MYO3B: variants seen among roughly 807,000 people sequenced by gnomAD.
The protein encoded by MYO3B is myosin-IIIb.
MYO3B carries 156 observed loss-of-function variants against 174.6 expected under a neutral mutation model. The observed-to-expected ratio is 0.89, with a 90% CI of 0.78 to 1.02. The LOEUF is 1.02. MYO3B is among the 50% of genes least tolerant of loss of function. The pLI, the probability that MYO3B is intolerant of heterozygous loss-of-function variation, is 0.00. For synonymous variants in MYO3B, 563 were observed against 569.1 expected, an observed-to-expected ratio of 0.99 and a Z score of 0.15; for missense variants, 1,632 against 1,639.4, an observed-to-expected ratio of 1.00 and a Z score of 0.08.
At chr2:170,200,126 C>G in intron 2 of MYO3B, 24 bp from the exon 3 acceptor site, 1 of 1,604,770 alleles carries the variant, frequency 6.2e-7, no homozygotes, top group Admixed American at 1.7e-5. Context: ...TTTAATCCAG[C>G]TTGCATTTTT....
At position 170,391,549 on chromosome 2, in the gene MYO3B, A is replaced by C. The variant is rs374803318; in HGVS notation, c.1607A>C (p.Tyr536Ser). Residue 536 changes from tyrosine to serine, a missense_variant, in exon 15 of 35, where the codon TAT becomes TCT. By Grantham distance (144) the Tyr-to-Ser change is moderately radical (BLOSUM62 -2). Transcript: ENST00000408978. ...GAGAAAAATTTTCATATATTTTACT[A>C]TATTTATGCTGGTCTTCATCACCAA... is the stretch of plus-strand genomic sequence containing the variant. ...AREKNFHIFY[Y>S]IYAGLHHQKK... The C allele has an allele frequency of 1.3e-6, 2 of 1,557,132 alleles. No homozygotes were observed. The highest frequency in any genetic ancestry group is 1.7e-6 in the Non-Finnish European group (2 of 1,155,674).
intron 32 of MYO3B, among the ~76,000 whole-genome samples, chr2:170,551,347 TA>T (rs1559107961): frequency 6.1e-4 from 85 of 140,224 alleles, no homozygotes; most frequent in South Asian, 9.3e-4. Context: ...TAATTTAATT[TA>T]ATTATTTATT....
chr2:170,332,356 G>A (rs1280243053), intron 7 of MYO3B: 1 of 152,130 alleles, frequency 6.6e-6, no homozygotes, highest in Non-Finnish European at 1.5e-5. Context: ...CATGGAATGG[G>A]AAGAGAATAG....
At position 170,628,104 on chromosome 2, in the gene MYO3B, G is replaced by T. The variant is rs182641431; in HGVS notation, c.3734-23524G>T. 2.3e-4 allele frequency among the ~76,000 whole-genome samples: 35 copies of T among 152,282 alleles called. 1 individual carries two copies. The East Asian group carries it at 6.6e-3, about 29-fold the overall frequency. On this transcript the variant is annotated intron_variant, in intron 32 of 34. Transcript: ENST00000408978. ...GACAGGGACATTTAAGTCTTCAGAG[G>T]TTTCTGCTGCCTTTTGTTTGGCTAT...
At chr2:170,576,639 T>C (rs1692804659) in intron 32 of MYO3B, among the ~76,000 whole-genome samples, 1 of 152,224 alleles carries the variant, frequency 6.6e-6, no homozygotes, top group Non-Finnish European at 1.5e-5. Flanking sequence ...AAATTAATGT[T>C]CTTGTGTGTA....
intron 7 of MYO3B, among the ~76,000 whole-genome samples, chr2:170,291,122 A>G (rs1472538308): frequency 6.6e-6 from 1 of 151,914 alleles, no homozygotes; most frequent in East Asian, 1.9e-4. Flanking sequence ...GGTGATGGGC[A>G]CCTGTAATCT....
chr2:170,482,915 C>T (rs1301850863), intron 25 of MYO3B, among the ~76,000 whole-genome samples: 4 of 152,246 alleles, frequency 2.6e-5, no homozygotes, highest in African/African-American at 9.6e-5. Flanking sequence ...GCATTGTGGG[C>T]TGAGGACCCT....
chr2:170,255,587 G>A (rs1016045381), intron 7 of MYO3B, among the ~76,000 whole-genome samples: 1 of 151,966 alleles, frequency 6.6e-6, no homozygotes, highest in Non-Finnish European at 1.5e-5. Context: ...CAGAAACGAA[G>A]CCAATTGACT....
chr2:170,354,786 G>A (rs1441456842), intron 8 of MYO3B, among the ~76,000 whole-genome samples: 4 of 152,160 alleles, frequency 2.6e-5, no homozygotes, highest in African/African-American at 4.8e-5. Context: ...TGATGTAATA[G>A]ATGGAGCTGT....
At chr2:170,227,392 C>A (rs1387473442) in intron 6 of MYO3B, among the ~76,000 whole-genome samples, 1 of 152,180 alleles carries the variant, frequency 6.6e-6, no homozygotes, top group Non-Finnish European at 1.5e-5. Flanking sequence ...TCAAGCGATT[C>A]TTGTGCCTTA....
intron 25 of MYO3B, among the ~76,000 whole-genome samples, chr2:170,478,889 TACACACACAC>T (rs143792197): frequency 0.024 from 3,259 of 137,212 alleles, 56 homozygotes; most frequent in African/African-American, 0.05. Flanking sequence ...AGGTTTTACA[TACACACACAC>T]ACACACACAC....
intron 9 of MYO3B, among the ~76,000 whole-genome samples, chr2:170,371,769 A>C (rs968870362): frequency 6.6e-6 from 1 of 151,430 alleles, no homozygotes. Flanking sequence ...TTTTCTGCAC[A>C]GTTATGGCCA....
intron 7 of MYO3B, among the ~76,000 whole-genome samples, chr2:170,310,744 C>T (rs2093734104): frequency 6.6e-6 from 1 of 150,754 alleles, no homozygotes; most frequent in South Asian, 2.1e-4. Flanking sequence ...GGGATGGTTC[C>T]AGGCTATAGG....
intron 32 of MYO3B, among the ~76,000 whole-genome samples, chr2:170,608,857 T>C (rs1046297155): frequency 2.6e-5 from 4 of 152,220 alleles, no homozygotes; most frequent in Admixed American, 6.5e-5. Flanking sequence ...GAAAGACTTT[T>C]GTTTTCCATC....
intron 28 of MYO3B, among the ~76,000 whole-genome samples, chr2:170,512,060 G>A (rs1024357132): frequency 1.3e-5 from 2 of 152,166 alleles, no homozygotes; most frequent in Admixed American, 6.5e-5. Context: ...TTCCAGGTTG[G>A]GGAAAACACT....
At chr2:170,548,278 C>T (rs1034177409) in intron 32 of MYO3B, among the ~76,000 whole-genome samples, 1 of 151,982 alleles carries the variant, frequency 6.6e-6, no homozygotes, top group African/African-American at 2.4e-5. Context: ...GTAGAAGTCC[C>T]TGTATTGGAG....
chr2:170,209,627 C>A (rs1163151098), intron 3 of MYO3B, among the ~76,000 whole-genome samples: 1 of 152,082 alleles, frequency 6.6e-6, no homozygotes, highest in Non-Finnish European at 1.5e-5. Context: ...TTGAAAAGGA[C>A]CAAAACAAGA....
intron 9 of MYO3B, among the ~76,000 whole-genome samples, chr2:170,371,174 C>T (rs184045810): frequency 8.6e-4 from 125 of 144,676 alleles, no homozygotes; most frequent in Admixed American, 2.5e-3. Flanking sequence ...GCTGAGATCG[C>T]GCCACTGCAC....
intron 32 of MYO3B, among the ~76,000 whole-genome samples, chr2:170,648,851 T>A (rs1698614848): frequency 9.0e-6 from 1 of 111,168 alleles, no homozygotes; most frequent in African/African-American, 3.7e-5. Context: ...CTATATTATA[T>A]ATAGAATATA....
Sources: gnomAD v4.1 joint callset for allele counts (sites outside exome capture counted in the v4.1 genomes callset) on GRCh38, gnomAD v4.1.1 for gene constraint, MANE v1.5 for transcripts, NCBI Gene and HGNC (gene_info 2026-07-23, HGNC 2026-07-21) for gene names.